Variants in CCDC13 observed in about 807,000 individuals in gnomAD.
CCDC13 encodes the protein coiled-coil domain containing 13.
CCDC13 carries 70 observed loss-of-function variants against 87.3 expected under a neutral mutation model. The observed-to-expected ratio is 0.80, with a 90% CI of 0.66 to 0.98. CCDC13 has a LOEUF of 0.98. CCDC13 is among the 50% of genes least tolerant of loss of function. The pLI is 0.00. For missense variants in CCDC13, 842 were observed against 892.0 expected (o/e 0.94, Z 0.71); for synonymous variants, 317 against 360.3 (o/e 0.88, Z 1.36).
intron 13 of CCDC13, among the ~76,000 whole-genome samples, chr3:42,727,864 T>C (rs1343537369): frequency 6.6e-6 from 1 of 151,832 alleles, no homozygotes; most frequent in Non-Finnish European, 1.5e-5. Context: ...ATCAGTCCAA[T>C]ATAAGGGAAG....
At chr3:42,713,356 G>C in intron 13 of CCDC13, 40 bp from the exon 14 acceptor site, 1 of 1,606,288 alleles carries the variant, frequency 6.2e-7, no homozygotes, top group Non-Finnish European at 8.5e-7. Context: ...TGCCCTGGCA[G>C]GCAGGGGCAG....
In CCDC13 at chr3:42,709,051, G is replaced by A. The variant is rs759228351; in HGVS notation, c.2077C>T (p.His693Tyr). The change falls in exon 16 of 16, where the codon CAT becomes TAT. Residue 693 changes from histidine (H) to tyrosine (Y), a missense_variant. Coordinates refer to ENST00000310232, the MANE Select transcript of CCDC13 (RefSeq NM_144719.4). The part of the protein sequence containing the change: ...RGKEEDFRMY[H>Y]EILGQVKSVF... ...CTTTTCACCTGGCCCAGGATCTCAT[G>A]GTACATCCGGAAGTCCTCCTCCTTT... 16 of 1,613,972 alleles carry A rather than the reference G, an allele frequency of 9.9e-6. No homozygotes were observed. In the Admixed American group the frequency reaches 1.7e-4, roughly 17 times the overall value.
chr3:42,747,196 G>A (rs766102019), intron 6 of CCDC13, 61 bp downstream of exon 6: 104 of 1,242,846 alleles, frequency 8.4e-5, no homozygotes, highest in Middle Eastern at 1.9e-4. Context: ...TGTGCCAGCC[G>A]TGCTCTTCCC....
intron 4 of CCDC13, 81 bp downstream of exon 4, chr3:42,752,494 T>A: frequency 6.4e-7 from 1 of 1,556,534 alleles, no homozygotes; most frequent in East Asian, 2.2e-5. Flanking sequence ...CTCTCCCGGC[T>A]ACATATGGAG....
intron 4 of CCDC13, 84 bp from the exon 5 acceptor site, chr3:42,752,109 G>T: frequency 2.5e-6 from 3 of 1,202,208 alleles, no homozygotes; most frequent in Non-Finnish European, 3.6e-6. Context: ...TGTGTGTGTG[G>T]TTACCTATCT....
chr3:42,705,295 C>T (rs533681415), downstream of CCDC13, among the ~76,000 whole-genome samples: 4 of 152,168 alleles, frequency 2.6e-5, no homozygotes, highest in Admixed American at 2.6e-4. Context: ...GAGGAGCACA[C>T]CCACTGGAGG....
In CCDC13 at chr3:42,769,724, G is replaced by A. The variant is rs528388643; in HGVS notation, c.-7+3452C>T. 2.6e-5 allele frequency among the ~76,000 whole-genome samples: 4 copies of A among 152,346 alleles called. No individual in the cohort carries two copies. The East Asian group carries it at 5.8e-4, about 22-fold the overall frequency. On this transcript the variant is annotated intron_variant, in intron 1 of 15. Coordinates refer to ENST00000310232, the MANE Select transcript of CCDC13 (RefSeq NM_144719.4). ...AGGCAGGTGTGGAGTGAGAGGTGCCGGTGAGAACTGGGGCTGCGCGCAGCG... is the reference window on the plus strand; with the variant it reads ...AGGCAGGTGTGGAGTGAGAGGTGCCAGTGAGAACTGGGGCTGCGCGCAGCG...
chr3:42,758,060 G>GGTAC, intron 2 of CCDC13, 65 bp downstream of exon 2: 1 of 825,966 alleles, frequency 1.2e-6, no homozygotes, highest in Non-Finnish European at 1.7e-6. Context: ...TAGCTCCGGT[G>GGTAC]GTACACACAC....
intron 1 of CCDC13, among the ~76,000 whole-genome samples, chr3:42,766,477 A>T (rs764996786): frequency 4.6e-5 from 7 of 152,110 alleles, no homozygotes; most frequent in Non-Finnish European, 1.0e-4. Flanking sequence ...GTTTTGCAGC[A>T]AAGAAAGAGT....
intron 13 of CCDC13, among the ~76,000 whole-genome samples, chr3:42,725,138 G>T (rs1264179517): frequency 6.6e-6 from 1 of 152,130 alleles, no homozygotes; most frequent in African/African-American, 2.4e-5. Context: ...GCATTTCCTT[G>T]TTAGTTTGGC....
intron 8 of CCDC13, among the ~76,000 whole-genome samples, chr3:42,740,108 C>T (rs2125891534): frequency 6.6e-6 from 1 of 152,320 alleles, no homozygotes; most frequent in East Asian, 1.9e-4. Flanking sequence ...AGCCGCCAGC[C>T]AACTGCGTGT....
At chr3:42,718,007 C>T (rs778415971) in intron 13 of CCDC13, 4 of 152,208 alleles carry the variant, frequency 2.6e-5, no homozygotes, top group Non-Finnish European at 4.4e-5. Flanking sequence ...AACCATCCAC[C>T]GCCATGTTGT....
Position 42,735,894 on chromosome 3 carries a change from T to A in CCDC13, c.1184A>T (p.Gln395Leu), listed in dbSNP as rs768927235. Residue 395 changes from glutamine to leucine, a missense_variant, in exon 10 of 16, where the codon CAG (glutamine) becomes CTG (leucine). Transcript: ENST00000310232. ...DALMDQLKQL[Q>L]EILGSLSLQE... ...CAGACTCAGGCTGCCTAGGATCTCC[T>A]GTAGCTGCTTCAGCTGGTCCTGGGG... 11 of 1,613,916 alleles carry A rather than the reference T, an allele frequency of 6.8e-6. No individual in the cohort carries two copies. The highest frequency in any genetic ancestry group is 9.3e-6 in the Non-Finnish European group (11 of 1,179,930).
At chr3:42,753,001 T>G (rs1457858140) in intron 3 of CCDC13, among the ~76,000 whole-genome samples, 1 of 152,216 alleles carries the variant, frequency 6.6e-6, no homozygotes, top group Non-Finnish European at 1.5e-5. Flanking sequence ...ACTCCGATGC[T>G]TCATGTAATC....
intron 13 of CCDC13, among the ~76,000 whole-genome samples, chr3:42,714,810 A>G (rs369006347): frequency 6.6e-6 from 1 of 152,366 alleles, no homozygotes; most frequent in African/African-American, 2.4e-5. Flanking sequence ...CTACTAACAC[A>G]TATTTAAGCA....
At chr3:42,747,991 C>T (rs1234049602) in intron 5 of CCDC13, among the ~76,000 whole-genome samples, 1 of 152,126 alleles carries the variant, frequency 6.6e-6, no homozygotes, top group African/African-American at 2.4e-5. Flanking sequence ...AAATAAGGAC[C>T]CATTTTAATT....
intron 6 of CCDC13, 145 bp from the exon 7 acceptor site, chr3:42,746,172 G>A (rs1699389918): frequency 3.1e-6 from 2 of 645,522 alleles, no homozygotes; most frequent in Admixed American, 2.7e-5. Flanking sequence ...TCAAAGGTCA[G>A]TTTTCCATGT....
intron 14 of CCDC13, among the ~76,000 whole-genome samples, chr3:42,711,551 C>T (rs905140056): frequency 6.6e-6 from 1 of 152,224 alleles, no homozygotes; most frequent in Admixed American, 6.5e-5. Flanking sequence ...CTCCAGCCTC[C>T]CTGCCTCCTC....
At chr3:42,770,790 G>C (rs1700060527) in intron 1 of CCDC13, 1 of 152,998 alleles carries the variant, frequency 6.5e-6, no homozygotes, top group African/African-American at 2.4e-5. Context: ...AACAACTCCA[G>C]ACGCACCACC....
Sources: gnomAD v4.1 joint callset for allele counts (sites outside exome capture counted in the v4.1 genomes callset) on GRCh38, gnomAD v4.1.1 for gene constraint, MANE v1.5 for transcripts, NCBI Gene and HGNC (gene_info 2026-07-23, HGNC 2026-07-21) for gene names.